The following CNTNAP1 variants were observed in gnomAD, a reference collection of about 807,000 sequenced individuals.
CNTNAP1 encodes contactin-associated protein 1.
A neutral mutation model predicts 161.5 loss-of-function variants in CNTNAP1; 80 were observed. The ratio of observed to expected loss-of-function variants is 0.50; its 90% CI spans 0.41 to 0.60. The LOEUF is 0.60. Among genes scored for constraint, CNTNAP1 ranks in the 20% least tolerant of loss-of-function variants. CNTNAP1 has a pLI of 0.00. For missense variants in CNTNAP1, 1,464 were observed against 1,854.8 expected (o/e 0.79, Z 3.87); for synonymous variants, 695 against 733.1 (o/e 0.95, Z 0.84).
At chr17:42,686,649 C>T (rs73303743) in intron 6 of CNTNAP1, among the ~76,000 whole-genome samples, 2 of 152,230 alleles carry the variant, frequency 1.3e-5, no homozygotes, top group African/African-American at 4.8e-5. Context: ...AGACCCTGAC[C>T]CCATCTGCAG....
Position 42,683,883 on chromosome 17 carries a change from T to C in CNTNAP1, c.130T>C (p.Tyr44His). The C allele has an allele frequency of 6.2e-7, 1 of 1,613,584 alleles. No homozygotes were observed. The highest frequency in any genetic ancestry group is 8.5e-7 in the Non-Finnish European group (1 of 1,179,992). The change falls in exon 2 of 24, where the codon TAC becomes CAC. Residue 44 changes from tyrosine (Y) to histidine (H), a missense_variant. By Grantham distance (83) the Tyr-to-His change is moderately conservative. Transcript: ENST00000264638. ...YARSLGASSY[Y>H]SLLTAPRFAR... ...ACGCTCCCTGGGCGCCTCCTCCTAC[T>C]ACAGTCTCCTTACTGCGCCGAGATT...
chr17:42,685,735 C>G lies in CNTNAP1; in HGVS notation c.716-222C>G, dbSNP rs1016919638. Among the ~76,000 whole-genome samples the G allele has an allele frequency of 1.3e-5, 2 of 152,236 alleles. No homozygotes were observed. The highest frequency in any genetic ancestry group is 1.3e-4 in the Admixed American group (2 of 15,284). ...TGTATCTCATTAGCTTTTCATAACA[C>G]CCGCACATGAAATAGAAGCAGCTCA... On this transcript the variant is annotated intron_variant, in intron 5 of 23. Coordinates refer to ENST00000264638, the MANE Select transcript of CNTNAP1 (RefSeq NM_003632.3). This position sits in a 1 kb window ranked among gnomAD's most constrained non-coding sequence, Gnocchi z 5.0.
rs2143655669 is a variant in CNTNAP1 at position 42,687,798 on chromosome 17, C to G, written c.1123C>G (p.Pro375Ala). Reference protein sequence around the residue: ...FGGPHNFVQVPGFPRRGRLAV... With the variant: ...FGGPHNFVQVAGFPRRGRLAV... ...AGGCCCTCACAACTTCGTTCAAGTG[C>G]CCGGTTTCCCACGCCGTGGCCGCCT... Residue 375 changes from proline to alanine, a missense_variant, in exon 8 of 24, where the codon CCC (proline) becomes GCC (alanine). Transcript: ENST00000264638. This position sits in a 1 kb window ranked among gnomAD's most constrained non-coding sequence, Gnocchi z 4.7. The G allele has an allele frequency of 6.2e-7, 1 of 1,614,224 alleles. No homozygotes were observed. Among genetic ancestry groups the G allele is most frequent in the Non-Finnish European group, 8.5e-7 (1 of 1,180,048 alleles).
rs2143684354 is a variant in CNTNAP1 at position 42,698,896 on chromosome 17, T to C, written c.4141T>C (p.Ser1381Pro). The change falls in exon 24 of 24, where the codon TCC (serine) becomes CCC (proline). Residue 1381 changes from serine to proline, a missense_variant. Ser to Pro is a moderately conservative substitution (Grantham distance 74, BLOSUM62 -1). Transcript: ENST00000264638. ...DQNLPQILEESRSE is the reference protein window; with the variant it reads ...DQNLPQILEEPRSE Reference sequence around the variant, plus strand: ...GAACCTACCCCAGATCCTGGAGGAGTCCAGGTCTGAATGAGTCAGAAGGGC... The same window carrying C: ...GAACCTACCCCAGATCCTGGAGGAGCCCAGGTCTGAATGAGTCAGAAGGGC... The C allele has an allele frequency of 6.5e-7, 1 of 1,535,532 alleles. No homozygotes were observed. The highest frequency in any genetic ancestry group is 8.7e-7 in the Non-Finnish European group (1 of 1,148,098).
Position 42,691,417 on chromosome 17 carries a change from C to T in CNTNAP1, c.2250C>T (p.Asp750=). The T allele has an allele frequency of 6.2e-7, 1 of 1,614,096 alleles. No homozygotes were observed. Among genetic ancestry groups the T allele is most frequent in the East Asian group, 2.2e-5 (1 of 44,874 alleles). Residue 750 remains aspartate (D), a synonymous_variant, in exon 15 of 24, where the codon GAC becomes GAT. Transcript: ENST00000264638. This position sits in a 1 kb window ranked among gnomAD's most constrained non-coding sequence, Gnocchi z 4.3. The part of the protein sequence containing the change: ...RTDKGLLTFV[D]HLPVTQVVIG... ...ACAAGGGACTGCTGACCTTTGTGGA[C>T]CATCTGCCTGTCACTCAGGTAGTGA...
In CNTNAP1 at chr17:42,683,820, G is replaced by C; in HGVS notation, c.68-1G>C. ...ACTAACAGTCGGTTTCCCTACCCTA[G>C]ACGGCTGCGACGAGGAGCTGGTGGG... On this transcript the variant is annotated splice_acceptor_variant, in intron 1 of 23. Transcript: ENST00000264638. LOFTEE classifies it high-confidence loss of function. 1 of 1,610,848 alleles carries C rather than the reference G, an allele frequency of 6.2e-7. No individual in the cohort carries two copies. Among genetic ancestry groups the C allele is most frequent in the Non-Finnish European group, 8.5e-7 (1 of 1,179,860 alleles).
intron 1 of CNTNAP1, 93 bp from the exon 2 acceptor site, chr17:42,683,728 A>C (rs2052967839): frequency 1.3e-6 from 2 of 1,483,338 alleles, no homozygotes; most frequent in Non-Finnish European, 9.0e-7. Context: ...GGTTGGGGGC[A>C]CGGAAGGGGA....
intron 19 of CNTNAP1, 51 bp from the exon 20 acceptor site, chr17:42,695,974 G>A: frequency 1.2e-6 from 2 of 1,607,748 alleles, no homozygotes; most frequent in African/African-American, 1.3e-5. Context: ...GCTGTTAGAA[G>A]ATAGGAGTCA....
rs1466239470 is a variant in CNTNAP1 at position 42,685,056 on chromosome 17, G to A, written c.429G>A (p.Ala143=). The A allele has an allele frequency of 3.8e-6, 6 of 1,586,012 alleles. No individual in the cohort carries two copies. The highest frequency in any genetic ancestry group is 1.2e-5 in the South Asian group (1 of 86,016). Residue 143 remains alanine (A), a synonymous_variant, in exon 4 of 24, where the codon GCG becomes GCA. Transcript: ENST00000264638. The surrounding 1 kb of genome is among the most constrained non-coding windows in gnomAD (Gnocchi z 5.0). The part of the protein sequence containing the change: ...VRHDLHFHFT[A]RYIRIVPLAW... Reference sequence around the variant, plus strand: ...ATGACCTGCACTTCCACTTCACTGCGCGCTACATCCGCATCGTGCCCCTGG... The same window carrying A: ...ATGACCTGCACTTCCACTTCACTGCACGCTACATCCGCATCGTGCCCCTGG...
rs1332830712 is a variant in CNTNAP1 at position 42,687,745 on chromosome 17, A to C, written c.1070A>C (p.Asp357Ala). ...FEGKVAFRCLDPVPHPINFGG... is the reference protein window; with the variant it reads ...FEGKVAFRCLAPVPHPINFGG... Reference sequence around the variant, plus strand: ...GGTAAGGTGGCTTTTCGTTGCCTGGACCCGGTACCGCACCCTATCAACTTC... The same window carrying C: ...GGTAAGGTGGCTTTTCGTTGCCTGGCCCCGGTACCGCACCCTATCAACTTC... Residue 357 changes from aspartate (D) to alanine (A), a missense_variant, in exon 8 of 24, where the codon GAC becomes GCC. Asp to Ala is a moderately radical substitution (Grantham distance 126). Transcript: ENST00000264638. This position sits in a 1 kb window ranked among gnomAD's most constrained non-coding sequence, Gnocchi z 4.7. The C allele has an allele frequency of 2.5e-6, 4 of 1,614,062 alleles. No individual in the cohort carries two copies. Among genetic ancestry groups the C allele is most frequent in the Non-Finnish European group, 3.4e-6 (4 of 1,180,004 alleles).
In CNTNAP1 at chr17:42,691,043, T is replaced by C. The variant is rs1264846446; in HGVS notation, c.2060-94T>C. On this transcript the variant is annotated intron_variant, in intron 13 of 23. Transcript: ENST00000264638. This position sits in a 1 kb window ranked among gnomAD's most constrained non-coding sequence, Gnocchi z 4.3. The stretch of plus-strand genomic sequence containing the variant: ...CCAGCTGGGGCCTTGGGTTGGAAGA[T>C]TCAAGGAGGGGTCTGAACTCGCTGG... 5 of 1,595,694 alleles carry C rather than the reference T, an allele frequency of 3.1e-6. No individual in the cohort carries two copies. Among genetic ancestry groups the C allele is most frequent in the Non-Finnish European group, 4.3e-6 (5 of 1,169,372 alleles).
chr17:42,689,697 G>C, intron 11 of CNTNAP1, 70 bp downstream of exon 11: 5 of 1,296,028 alleles, frequency 3.9e-6, no homozygotes, highest in Non-Finnish European at 4.5e-6. Context: ...GGGATCATCA[G>C]GCTGCTAGAG....
chr17:42,687,058 G>A lies in CNTNAP1; in HGVS notation c.1044+12G>A. 1.2e-6 allele frequency: 2 copies of A among 1,606,446 alleles called. No individual in the cohort carries two copies. The highest frequency in any genetic ancestry group is 2.2e-5 in the South Asian group (2 of 90,824). Reference sequence around the variant, plus strand: ...GGATCACCTTCGAGGCCAGTGGGCAGGGGGGTCTGGGAGGACAGGATATCA... The same window carrying A: ...GGATCACCTTCGAGGCCAGTGGGCAAGGGGGTCTGGGAGGACAGGATATCA... On this transcript the variant is annotated intron_variant, in intron 7 of 23. Transcript: ENST00000264638. This position sits in a 1 kb window ranked among gnomAD's most constrained non-coding sequence, Gnocchi z 4.7.
chr17:42,685,834 A>T lies in CNTNAP1; in HGVS notation c.716-123A>T, dbSNP rs1319352604. On this transcript the variant is annotated intron_variant, in intron 5 of 23. Coordinates refer to ENST00000264638, the MANE Select transcript of CNTNAP1 (RefSeq NM_003632.3). This position sits in a 1 kb window ranked among gnomAD's most constrained non-coding sequence, Gnocchi z 5.0. ...GTCACACACTCGCCAATGGCTGTTG[A>T]TCTATTCGCCCACTCTCCCTGATTG... is the stretch of plus-strand genomic sequence containing the variant. 1.0e-6 allele frequency: 1 copy of T among 994,850 alleles called. No homozygotes were observed. The highest frequency in any genetic ancestry group is 1.5e-6 in the Non-Finnish European group (1 of 677,654). The allele number at this position is 994,850 out of a possible 1,614,324, so 61.6% of individuals were successfully genotyped here.
rs1411706592 is a variant in CNTNAP1 at position 42,689,015 on chromosome 17, G to A, written c.1596G>A (p.Glu532=). The change falls in exon 10 of 24, where the codon GAG becomes GAA. Residue 532 remains glutamate (E), a synonymous_variant. Transcript: ENST00000264638. Reference sequence around the variant, plus strand: ...GCCGGCGGCTTGGATTCTATGCTGAGGTCCTCTTTGATACATGTGGCATCA... The same window carrying A: ...GCCGGCGGCTTGGATTCTATGCTGAAGTCCTCTTTGATACATGTGGCATCA... ...VEGRRLGFYA[E]VLFDTCGITD... is the part of the protein sequence containing the mutation. 1.2e-6 allele frequency: 2 copies of A among 1,603,188 alleles called. No homozygotes were observed. Among genetic ancestry groups the A allele is most frequent in the Non-Finnish European group, 1.7e-6 (2 of 1,173,892 alleles).
Position 42,691,261 on chromosome 17 carries a change from G to T in CNTNAP1, c.2184G>T (p.Leu728Phe). Residue 728 changes from leucine (L) to phenylalanine (F), a missense_variant, in exon 14 of 24, where the codon TTG (leucine) becomes TTT (phenylalanine). Physicochemically the swap from Leu to Phe is conservative, Grantham distance 22 (BLOSUM62 0). This residue lies in a region of CNTNAP1 where 1,383 missense variants were observed against 1,765.0 expected (regional missense o/e 0.78). Coordinates refer to ENST00000264638, the MANE Select transcript of CNTNAP1 (RefSeq NM_003632.3). This position sits in a 1 kb window ranked among gnomAD's most constrained non-coding sequence, Gnocchi z 4.3. ...GLDRSCVDPALYCNCDADQPQ... is the reference protein window; with the variant it reads ...GLDRSCVDPAFYCNCDADQPQ... ...ACCGGAGCTGTGTGGACCCTGCCTT[G>T]TACTGCAACTGTGACGCTGACCAGC... 8 of 1,614,198 alleles carry T rather than the reference G, an allele frequency of 5.0e-6. No individual in the cohort carries two copies. Among genetic ancestry groups the T allele is most frequent in the Non-Finnish European group, 6.8e-6 (8 of 1,180,024 alleles).
At position 42,699,092 on chromosome 17, in the gene CNTNAP1, G is replaced by A. The variant is rs1047891861; in HGVS notation, c.*182G>A. On this transcript the variant is annotated 3_prime_UTR_variant, in exon 24 of 24. Coordinates refer to ENST00000264638, the MANE Select transcript of CNTNAP1 (RefSeq NM_003632.3). ...ACAGATGGGACCCAAGGGAGTGGCCGAGCCTCACTGCCTAAACCAATGCCC... is the reference window on the plus strand; with the variant it reads ...ACAGATGGGACCCAAGGGAGTGGCCAAGCCTCACTGCCTAAACCAATGCCC... 10 of 509,702 alleles carry A rather than the reference G, an allele frequency of 2.0e-5. No individual in the cohort carries two copies. Among genetic ancestry groups the A allele is most frequent in the South Asian group, 1.2e-4 (3 of 25,486 alleles). The allele number at this position is 509,702 out of a possible 1,614,324, so 31.6% of individuals were successfully genotyped here. A position where few individuals can be genotyped will look rare whatever the true frequency, so the allele number is the denominator to read the frequency against.
rs755070825 is a variant in CNTNAP1 at position 42,687,837 on chromosome 17, C to T, written c.1162C>T (p.Arg388Cys). The T allele has an allele frequency of 6.2e-7, 1 of 1,614,238 alleles. No homozygotes were observed. The highest frequency in any genetic ancestry group is 8.5e-7 in the Non-Finnish European group (1 of 1,180,046). The change falls in exon 8 of 24, where the codon CGC becomes TGC. Residue 388 changes from arginine (R) to cysteine (C), a missense_variant. Arg to Cys is a radical substitution (Grantham distance 180). Transcript: ENST00000264638. This position sits in a 1 kb window ranked among gnomAD's most constrained non-coding sequence, Gnocchi z 4.7. ...CCGTGGCCGCCTGGCAGTCTCATTT[C>T]GCTTCCGCACCTGGGACCTCACCGG... ...PRRGRLAVSF[R>C]FRTWDLTGLL...
In CNTNAP1 at chr17:42,687,064, T is replaced by C. The variant is rs1469280865; in HGVS notation, c.1044+18T>C. 1 of 1,602,138 alleles carries C rather than the reference T, an allele frequency of 6.2e-7. No homozygotes were observed. Among genetic ancestry groups the C allele is most frequent in the Non-Finnish European group, 8.5e-7 (1 of 1,171,598 alleles). The stretch of plus-strand genomic sequence containing the variant: ...CCTTCGAGGCCAGTGGGCAGGGGGG[T>C]CTGGGAGGACAGGATATCAAAGCGT... On this transcript the variant is annotated intron_variant, in intron 7 of 23. Transcript: ENST00000264638. This position sits in a 1 kb window ranked among gnomAD's most constrained non-coding sequence, Gnocchi z 4.7.
Sources: gnomAD v4.1 joint callset for allele counts (sites outside exome capture counted in the v4.1 genomes callset) on GRCh38, gnomAD v4.1.1 for gene constraint, gnomAD v4.1.1 regional missense constraint, Gnocchi (gnomAD v3.1) non-coding constraint, MANE v1.5 for transcripts, NCBI Gene and HGNC (gene_info 2026-07-23, HGNC 2026-07-21) for gene names.